Variants in SERPINB8 observed in about 807,000 individuals in gnomAD.
The protein encoded by SERPINB8 is serpin family B member 8.
Under a neutral mutation model 35.3 loss-of-function variants are expected in SERPINB8, and 25 were observed. That is an observed-to-expected ratio of 0.71 (90% CI 0.52 to 0.99). The LOEUF (loss-of-function observed/expected upper bound fraction) is 0.99. SERPINB8 is among the 50% of genes least tolerant of loss of function. The probability of loss-of-function intolerance (pLI) is 0.00; values close to 1 mark genes in which losing one functional copy is unlikely to be tolerated. For synonymous variants in SERPINB8, 186 were observed against 160.8 expected, an observed-to-expected ratio of 1.16 and a Z score of -1.19; for missense variants, 484 against 446.5, an observed-to-expected ratio of 1.08 and a Z score of -0.76.
At chr18:63,980,988 C>T (rs1182517948) in intron 3 of SERPINB8, among the ~76,000 whole-genome samples, 4 of 152,138 alleles carry the variant, frequency 2.6e-5, no homozygotes, top group Admixed American at 6.5e-5. Flanking sequence ...GCCACTGTTT[C>T]CCTTAATCCC....
downstream of SERPINB8, among the ~76,000 whole-genome samples, chr18:64,006,345 A>G (rs539255679): frequency 6.6e-6 from 1 of 152,266 alleles, no homozygotes; most frequent in South Asian, 2.1e-4. Flanking sequence ...CTAACCCCCA[A>G]TTTGATGTTT....
chr18:64,009,833 T>C (rs552749817), downstream of SERPINB8, among the ~76,000 whole-genome samples: 13 of 152,246 alleles, frequency 8.5e-5, no homozygotes, highest in South Asian at 2.7e-3. Flanking sequence ...AAATTAAAGT[T>C]CTACCAGAAA....
chr18:63,977,983 C>T (rs1433007428), intron 1 of SERPINB8, among the ~76,000 whole-genome samples: 1 of 152,180 alleles, frequency 6.6e-6, no homozygotes, highest in Admixed American at 6.5e-5. Context: ...CTGACCTCTG[C>T]TTCCGTCCTC....
At chr18:63,970,899 C>T (rs2050464397) in intron 1 of SERPINB8, among the ~76,000 whole-genome samples, 1 of 152,052 alleles carries the variant, frequency 6.6e-6, no homozygotes, top group African/African-American at 2.4e-5. Flanking sequence ...TCTTCACCTA[C>T]GCCCCTCTCT....
intron 7 of SERPINB8, among the ~76,000 whole-genome samples, chr18:64,014,749 A>G (rs980715327): frequency 1.3e-5 from 2 of 152,096 alleles, no homozygotes; most frequent in Non-Finnish European, 2.9e-5. Flanking sequence ...CCTTTGATCG[A>G]AGATTGTTCA....
chr18:63,995,825 T>A (rs979454901), intron 1 of SERPINB8, among the ~76,000 whole-genome samples: 8 of 152,154 alleles, frequency 5.3e-5, no homozygotes, highest in African/African-American at 1.9e-4. Context: ...GAATGAAAAC[T>A]TTAATTGGGT....
At chr18:64,011,595 G>T (rs994388953) in intron 7 of SERPINB8, among the ~76,000 whole-genome samples, 8 of 152,044 alleles carry the variant, frequency 5.3e-5, no homozygotes, top group African/African-American at 1.9e-4. Flanking sequence ...TGCCTATATT[G>T]TTGTCACCGC....
downstream of SERPINB8, among the ~76,000 whole-genome samples, chr18:63,989,838 G>GAGGCTGAGGCAGGAGAATGGCGTGA (rs1403393310): frequency 5.4e-5 from 8 of 148,756 alleles, no homozygotes; most frequent in South Asian, 1.3e-3. Context: ...AGCTACTCGG[G>GAGGCTGAGGCAGGAGAATGGCGTGA]AGGCTGAGGC....
intron 1 of SERPINB8, among the ~76,000 whole-genome samples, chr18:63,972,842 A>G (rs950769141): frequency 1.3e-5 from 2 of 152,050 alleles, no homozygotes; most frequent in African/African-American, 4.8e-5. Context: ...ATGGCTGCAT[A>G]GTATTCCATG....
intron 7 of SERPINB8, among the ~76,000 whole-genome samples, chr18:64,011,237 T>C (rs1468029996): frequency 2.6e-5 from 4 of 151,968 alleles, no homozygotes; most frequent in African/African-American, 9.7e-5. Context: ...GAAATATAAA[T>C]GTGAAATGAT....
intron 7 of SERPINB8, among the ~76,000 whole-genome samples, chr18:64,011,210 C>G (rs2050924495): frequency 6.6e-6 from 1 of 151,832 alleles, no homozygotes; most frequent in African/African-American, 2.4e-5. Context: ...GTTAGCTTAT[C>G]TCAAATAAAG....
downstream of SERPINB8, among the ~76,000 whole-genome samples, chr18:64,007,052 GA>G (rs1335585774): frequency 2.0e-5 from 3 of 151,350 alleles, no homozygotes; most frequent in Non-Finnish European, 2.9e-5. Context: ...TTGATTCTTT[GA>G]AAAAGTAAAA....
chr18:63,989,635 T>G (rs2050810277), downstream of SERPINB8, among the ~76,000 whole-genome samples: 1 of 152,130 alleles, frequency 6.6e-6, no homozygotes, highest in Non-Finnish European at 1.5e-5. Flanking sequence ...TGCCTAATTA[T>G]GTTCAGCATT....
At chr18:64,004,763 T>G (rs8089242) in intron 1 of SERPINB8, 240,347 of 397,928 alleles carry the variant, frequency 0.6, 73,034 homozygotes, top group Admixed American at 0.7. Context: ...GCTTCTGTTG[T>G]TTAGTGTCAT....
chr18:63,989,942 C>CAAAAAAAA, downstream of SERPINB8, among the ~76,000 whole-genome samples: 1 of 27,882 alleles, frequency 3.6e-5, no homozygotes, highest in Non-Finnish European at 7.3e-5. Flanking sequence ...GACTCTGTCT[C>CAAAAAAAA]AAAAAAAAAA....
At position 63,984,579 on chromosome 18, in the gene SERPINB8, T is replaced by C. The variant is rs557382037; in HGVS notation, c.568-514T>C. 1.1e-4 allele frequency among the ~76,000 whole-genome samples: 16 copies of C among 152,336 alleles called. No homozygotes were observed. In the East Asian group the frequency reaches 3.1e-3, roughly 29 times the overall value. On this transcript the variant is annotated intron_variant, in intron 5 of 6. Transcript: ENST00000397985. ...TGCACAAAGATATGAAAGTTAAAAA[T>C]ATATTTGATGCAGGCTTTAAAAACA...
At chr18:63,974,002 A>C (rs1193104604) in intron 1 of SERPINB8, among the ~76,000 whole-genome samples, 3 of 152,174 alleles carry the variant, frequency 2.0e-5, no homozygotes, top group African/African-American at 7.2e-5. Flanking sequence ...ACTTTAAAGT[A>C]GTTTTTTCCA....
At chr18:64,005,559 A>G (rs901852631) in exon 2 of SERPINB8, 1 of 152,226 alleles carries the variant, frequency 6.6e-6, no homozygotes, top group Non-Finnish European at 1.5e-5. Flanking sequence ...TGCCATCTAT[A>G]AAGCAGAGAA....
intron 1 of SERPINB8, among the ~76,000 whole-genome samples, chr18:64,003,989 A>G (rs2050888445): frequency 6.6e-6 from 1 of 152,104 alleles, no homozygotes; most frequent in Non-Finnish European, 1.5e-5. Context: ...CACATTTTAA[A>G]ATTACATTCT....
Sources: allele counts gnomAD v4.1 joint callset (sites outside exome capture counted in the v4.1 genomes callset), GRCh38; gene constraint gnomAD v4.1.1; transcripts MANE v1.5; gene names NCBI Gene and HGNC (gene_info 2026-07-23, HGNC 2026-07-21).